Variants in NRG1 observed in about 807,000 individuals in gnomAD.
NRG1 encodes the protein pro-neuregulin-1, membrane-bound isoform.
In NRG1, 18 loss-of-function variants were observed where a neutral mutation model predicts 63.8. That is an observed-to-expected ratio of 0.28 (90% confidence interval 0.19 to 0.42). The LOEUF is 0.42. NRG1 is among the 10% of genes least tolerant of loss of function. The probability of loss-of-function intolerance (pLI) is 1.00; values close to 1 mark genes in which losing one functional copy is unlikely to be tolerated. For synonymous variants in NRG1, 302 were observed against 301.3 expected, an observed-to-expected ratio of 1.00 and a Z score of -0.02; for missense variants, 762 against 814.7, an observed-to-expected ratio of 0.94 and a Z score of 0.79.
At chr8:31,812,418 G>A (rs1290464130) in intron 1 of NRG1, among the ~76,000 whole-genome samples, 3 of 152,136 alleles carry the variant, frequency 2.0e-5, no homozygotes, top group Admixed American at 6.6e-5. Flanking sequence ...TTAGAGAACC[G>A]CTAGATTAGA....
chr8:32,001,032 A>C (rs1345186403), intron 1 of NRG1, among the ~76,000 whole-genome samples: 1 of 152,078 alleles, frequency 6.6e-6, no homozygotes, highest in Non-Finnish European at 1.5e-5. Flanking sequence ...ATACAGAAAA[A>C]TTGTGAAGAT....
chr8:32,336,016 C>G (rs1257744524), intron 1 of NRG1, among the ~76,000 whole-genome samples: 1 of 152,018 alleles, frequency 6.6e-6, no homozygotes, highest in Non-Finnish European at 1.5e-5. Context: ...GAAATTGTAT[C>G]ATACACACAC....
At chr8:32,103,703 G>A (rs1830871822) in intron 1 of NRG1, among the ~76,000 whole-genome samples, 1 of 152,038 alleles carries the variant, frequency 6.6e-6, no homozygotes, top group Admixed American at 6.6e-5. Flanking sequence ...CTGAAGGTGA[G>A]AATATGGCAG....
chr8:31,704,981 TCTA>T (rs1811001158), intron 1 of NRG1, among the ~76,000 whole-genome samples: 3 of 152,116 alleles, frequency 2.0e-5, no homozygotes, highest in Non-Finnish European at 4.4e-5. Context: ...GAAATAAAAT[TCTA>T]CACACATTAC....
chr8:32,752,283 C>G (rs565810744), intron 7 of NRG1, among the ~76,000 whole-genome samples: 1 of 152,250 alleles, frequency 6.6e-6, no homozygotes, highest in African/African-American at 2.4e-5. Context: ...GAGGCTACAG[C>G]AGCAGCTTCA....
chr8:32,160,757 A>G (rs1838734521), intron 1 of NRG1, among the ~76,000 whole-genome samples: 1 of 152,226 alleles, frequency 6.6e-6, no homozygotes. Context: ...GAACATTATT[A>G]AAATGTATTA....
intron 1 of NRG1, among the ~76,000 whole-genome samples, chr8:31,758,264 G>T (rs1449275238): frequency 6.6e-6 from 1 of 152,078 alleles, no homozygotes; most frequent in Non-Finnish European, 1.5e-5. Context: ...CTGTGTCCAT[G>T]TGTTCTCATT....
chr8:31,855,010 C>A (rs1827696705), intron 1 of NRG1, among the ~76,000 whole-genome samples: 1 of 152,096 alleles, frequency 6.6e-6, no homozygotes, highest in African/African-American at 2.4e-5. Context: ...TTTACATTTG[C>A]TGAGGAGAGC....
chr8:32,736,907 A>C lies in NRG1; in HGVS notation c.633-5768A>C, dbSNP rs1484081433. Among the ~76,000 whole-genome samples, 11 of 152,188 alleles carry C rather than the reference A, an allele frequency of 7.2e-5. No individual in the cohort carries two copies. In the East Asian group the frequency reaches 2.1e-3, roughly 29 times the overall value. On this transcript the variant is annotated intron_variant, in intron 6 of 11. Transcript: ENST00000356819. ...AGAATCTCCACCAAGAAAAAATGGA[A>C]AATAATTTATTCAATTGGAATATAA...
chr8:31,657,557 C>T (rs1002727406), intron 1 of NRG1, among the ~76,000 whole-genome samples: 1 of 152,144 alleles, frequency 6.6e-6, no homozygotes, highest in Non-Finnish European at 1.5e-5. Context: ...TTTTGAAAAG[C>T]TCTCCAGGTG....
At chr8:31,730,599 C>A (rs1014705238) in intron 1 of NRG1, among the ~76,000 whole-genome samples, 3 of 151,936 alleles carry the variant, frequency 2.0e-5, no homozygotes, top group Non-Finnish European at 4.4e-5. Context: ...TCCTATCTTA[C>A]AAGATATGCA....
At chr8:31,866,139 GTAGGCAACTCTAGTTCTA>G (rs1010548580) in intron 1 of NRG1, among the ~76,000 whole-genome samples, 2 of 152,084 alleles carry the variant, frequency 1.3e-5, no homozygotes, top group Non-Finnish European at 2.9e-5. Context: ...AACCACCATT[GTAGGCAACTCTAGTTCTA>G]TAGGCAACTC....
At chr8:31,944,698 C>T (rs369375775) in intron 1 of NRG1, among the ~76,000 whole-genome samples, 9 of 152,236 alleles carry the variant, frequency 5.9e-5, no homozygotes, top group African/African-American at 1.2e-4. Flanking sequence ...TCATCCTTTC[C>T]GAAGAGAGCA....
chr8:32,622,565 A>G (rs550032667), intron 5 of NRG1, among the ~76,000 whole-genome samples: 1 of 151,874 alleles, frequency 6.6e-6, no homozygotes, highest in Non-Finnish European at 1.5e-5. Context: ...ACCACACCTG[A>G]GTAATGTTTT....
chr8:32,039,604 G>T (rs1346183588), intron 1 of NRG1, among the ~76,000 whole-genome samples: 3 of 152,158 alleles, frequency 2.0e-5, no homozygotes, highest in Non-Finnish European at 4.4e-5. Context: ...TGTCAACATG[G>T]GGGCTTGTCA....
intron 5 of NRG1, among the ~76,000 whole-genome samples, chr8:32,725,660 G>C (rs1004290288): frequency 1.3e-5 from 2 of 151,352 alleles, no homozygotes; most frequent in Middle Eastern, 3.2e-3. Context: ...ATTTTTAGTA[G>C]AGACGGGGTT....
rs73677014 is a variant in NRG1 at position 32,388,066 on chromosome 8, C to A, written c.38-207762C>A. Among the ~76,000 whole-genome samples, 3 of 152,332 alleles carry A rather than the reference C, an allele frequency of 2.0e-5. No homozygotes were observed. In the South Asian group the frequency reaches 6.2e-4, roughly 32 times the overall value. ...CAGGTTCAGCGTAGTCAATGAGCAA[C>A]ATGAAATGAAATTTCCAATCAGAAT... On this transcript the variant is annotated intron_variant, in intron 1 of 10. Coordinates refer to the NRG1 transcript ENST00000519301.
At chr8:32,599,206 C>T (rs989136468) in intron 2 of NRG1, among the ~76,000 whole-genome samples, 4 of 151,984 alleles carry the variant, frequency 2.6e-5, no homozygotes, top group Admixed American at 2.0e-4. Context: ...GATATTCAGA[C>T]TATTAGTGTT....
At chr8:31,929,836 A>T (rs1394362686) in intron 1 of NRG1, among the ~76,000 whole-genome samples, 1 of 152,024 alleles carries the variant, frequency 6.6e-6, no homozygotes, top group Non-Finnish European at 1.5e-5. Flanking sequence ...CTACCTGTTG[A>T]TCTTCTCATT....
Sources: gnomAD v4.1 joint callset for allele counts (sites outside exome capture counted in the v4.1 genomes callset) on GRCh38, gnomAD v4.1.1 for gene constraint, MANE v1.5 for transcripts, NCBI Gene and HGNC (gene_info 2026-07-23, HGNC 2026-07-21) for gene names.